CCDC50: variants seen among roughly 807,000 people sequenced by gnomAD.
The protein encoded by CCDC50 is coiled-coil domain containing 50.
CCDC50 carries 54 observed loss-of-function variants against 70.2 expected under a neutral mutation model. The observed-to-expected ratio is 0.77, with a 90% CI of 0.62 to 0.96. The LOEUF is 0.96. Ranked by LOEUF, CCDC50 falls within the 50% of genes least tolerant of loss-of-function variation. The pLI is 0.00. For missense variants in CCDC50, 558 were observed against 578.7 expected, an observed-to-expected ratio of 0.96 and a Z score of 0.37; for synonymous variants, 216 against 198.8, an observed-to-expected ratio of 1.09 and a Z score of -0.73.
intron 1 of CCDC50, chr3:191,330,316 C>G (rs550951954): frequency 3.5e-4 from 54 of 153,786 alleles, no homozygotes; most frequent in Non-Finnish European, 6.6e-4. Flanking sequence ...CACACACACA[C>G]ACACACACAC....
intron 10 of CCDC50, among the ~76,000 whole-genome samples, chr3:191,386,675 A>G (rs565445494): frequency 5.9e-5 from 9 of 152,320 alleles, no homozygotes; most frequent in Admixed American, 5.9e-4. Context: ...TAGCATTTCT[A>G]TATTCCAGTA....
chr3:191,339,908 T>C (rs1711663094), intron 1 of CCDC50, among the ~76,000 whole-genome samples: 1 of 152,200 alleles, frequency 6.6e-6, no homozygotes, highest in African/African-American at 2.4e-5. Flanking sequence ...TATAAGCAGA[T>C]TGTTGTTATC....
chr3:191,365,512 A>G (rs1196514147), intron 4 of CCDC50, among the ~76,000 whole-genome samples: 1 of 152,122 alleles, frequency 6.6e-6, no homozygotes, highest in African/African-American at 2.4e-5. Context: ...CTCTTCTTAC[A>G]CTATTATACT....
intron 1 of CCDC50, among the ~76,000 whole-genome samples, chr3:191,353,340 C>T (rs1027287696): frequency 1.4e-5 from 2 of 141,120 alleles, no homozygotes; most frequent in South Asian, 2.2e-4. Context: ...AGTTGGCTTA[C>T]GGCAAGAAGG....
chr3:191,382,372 G>A (rs73888573), intron 9 of CCDC50, among the ~76,000 whole-genome samples: 200 of 152,244 alleles, frequency 1.3e-3, no homozygotes, highest in African/African-American at 4.7e-3. Context: ...GACTCTGGGC[G>A]TGCACTGGTT....
At chr3:191,333,326 GTTAAA>G (rs749797111) in intron 1 of CCDC50, among the ~76,000 whole-genome samples, 12 of 152,310 alleles carry the variant, frequency 7.9e-5, no homozygotes, top group East Asian at 3.9e-4. Context: ...GGCATAATGT[GTTAAA>G]TTAAGTTAAT....
intron 4 of CCDC50, among the ~76,000 whole-genome samples, chr3:191,361,581 G>A (rs1455153761): frequency 6.6e-6 from 1 of 152,124 alleles, no homozygotes; most frequent in Non-Finnish European, 1.5e-5. Flanking sequence ...GCTTGTATCT[G>A]CATCACTTCA....
intron 4 of CCDC50, among the ~76,000 whole-genome samples, chr3:191,369,118 T>C (rs1020517614): frequency 3.0e-5 from 4 of 135,496 alleles, no homozygotes; most frequent in African/African-American, 1.1e-4. Flanking sequence ...TTCATAACTC[T>C]GCTGATGTTT....
intron 1 of CCDC50, among the ~76,000 whole-genome samples, chr3:191,348,392 G>A (rs1711996509): frequency 7.0e-6 from 1 of 142,546 alleles, no homozygotes; most frequent in Admixed American, 7.2e-5. Context: ...TCTCTAAACA[G>A]ATGAAATATT....
intron 1 of CCDC50, among the ~76,000 whole-genome samples, chr3:191,353,559 C>T (rs1712174190): frequency 7.1e-6 from 1 of 141,204 alleles, no homozygotes; most frequent in African/African-American, 2.5e-5. Flanking sequence ...ATGCTCTGAG[C>T]GTGGCCTGGC....
rs1246773796 is a variant in CCDC50 at position 191,329,667 on chromosome 3, G to A, written c.-8G>A. The A allele has an allele frequency of 6.2e-6, 10 of 1,608,194 alleles. No individual in the cohort carries two copies. Among genetic ancestry groups the A allele is most frequent in the Non-Finnish European group, 7.6e-6 (9 of 1,177,968 alleles). On this transcript the variant is annotated 5_prime_UTR_variant, in exon 1 of 12. Transcript: ENST00000392455. Reference sequence around the variant, plus strand: ...GCGTTAAAGGGGCAACCGGGACCCTGGCCCGGTATGGCTGAAGTCAGCATC... The same window carrying A: ...GCGTTAAAGGGGCAACCGGGACCCTAGCCCGGTATGGCTGAAGTCAGCATC...
intron 10 of CCDC50, among the ~76,000 whole-genome samples, chr3:191,388,121 C>T (rs1186196677): frequency 2.1e-5 from 3 of 146,152 alleles, no homozygotes; most frequent in Non-Finnish European, 4.6e-5. Flanking sequence ...ATGCATTATT[C>T]ACTATGTTTC....
In CCDC50 at chr3:191,375,298, A is replaced by G. The variant is rs1281378440; in HGVS notation, c.685A>G (p.Thr229Ala). Residue 229 changes from threonine (T) to alanine (A), a missense_variant, in exon 6 of 12, where the codon ACT becomes GCT. By Grantham distance (58) the Thr-to-Ala change is moderately conservative (BLOSUM62 0). Coordinates refer to ENST00000392455, the MANE Select transcript of CCDC50 (RefSeq NM_178335.3). ...TGAGCAGCATGAAAGGAAACGGTCC[A>G]CTCAGGAGAGGCCTCGGAGACCTCT... ...NNEQHERKRSTQERPRRPLLP... is the reference protein window; with the variant it reads ...NNEQHERKRSAQERPRRPLLP... 5 of 1,613,756 alleles carry G rather than the reference A, an allele frequency of 3.1e-6. No individual in the cohort carries two copies. The highest frequency in any genetic ancestry group is 4.2e-6 in the Non-Finnish European group (5 of 1,179,828).
At chr3:191,338,835 G>A (rs1366851983) in intron 1 of CCDC50, among the ~76,000 whole-genome samples, 1 of 152,208 alleles carries the variant, frequency 6.6e-6, no homozygotes, top group Admixed American at 6.5e-5. Context: ...GGAGGCAACA[G>A]TCTTACTTGT....
At position 191,361,238 on chromosome 3, in the gene CCDC50, G is replaced by A. The variant is rs893872294; in HGVS notation, c.330+79G>A. 7.1e-6 allele frequency: 7 copies of A among 988,092 alleles called. No homozygotes were observed. The African/African-American group carries it at 8.0e-5, about 11-fold the overall frequency. The allele number at this position is 988,092 out of a possible 1,614,324, so 61.2% of individuals were successfully genotyped here. ...AGAGCAAAAACTTTCTGTAGGTCAC[G>A]GGCTCAATGAAGGGTTTCTGAATGG... On this transcript the variant is annotated intron_variant, in intron 4 of 11. Transcript: ENST00000392455.
intron 1 of CCDC50, among the ~76,000 whole-genome samples, chr3:191,338,172 A>G (rs1339729822): frequency 6.6e-6 from 1 of 152,240 alleles, no homozygotes; most frequent in East Asian, 1.9e-4. Flanking sequence ...CCCATCAGCA[A>G]CAAATTCTGT....
chr3:191,392,008 TATA>T lies in CCDC50; in HGVS notation c.*249_*251del. 2.0e-6 allele frequency: 1 copy of T among 507,078 alleles called. No individual in the cohort carries two copies. The highest frequency in any genetic ancestry group is 2.4e-5 in the South Asian group (1 of 42,548). The allele number at this position is 507,078 out of a possible 1,614,324, so 31.4% of individuals were successfully genotyped here. A position where few individuals can be genotyped will look rare whatever the true frequency, so the allele number is the denominator to read the frequency against. ...TCTATGCTGCATATACTTCTTGGGA[TATA>T]GTATCTAAGACCTTTGTAAACTGCC... On this transcript the variant is annotated 3_prime_UTR_variant, in exon 12 of 12. Coordinates refer to ENST00000392455, the MANE Select transcript of CCDC50 (RefSeq NM_178335.3).
rs138691106 is a variant in CCDC50 at position 191,361,967 on chromosome 3, C to A, written c.330+808C>A. On this transcript the variant is annotated intron_variant, in intron 4 of 11. Coordinates refer to ENST00000392455, the MANE Select transcript of CCDC50 (RefSeq NM_178335.3). The stretch of plus-strand genomic sequence containing the variant: ...CTTAAAGGTTTCCCTTTCCTCTGAT[C>A]TGTTGGTTAAAAAAAACTAATCAGT... 7.8e-3 allele frequency among the ~76,000 whole-genome samples: 1,182 copies of A among 152,106 alleles called. 10 individuals are homozygous for A. The highest frequency in any genetic ancestry group is 0.034 in the Middle Eastern group (10 of 294).
chr3:191,370,348 A>C, intron 5 of CCDC50: 1 of 332,648 alleles, frequency 3.0e-6, no homozygotes, highest in Middle Eastern at 1.1e-3. Context: ...ATATCGCCTA[A>C]TGCTATCCCT....
Sources: allele counts gnomAD v4.1 joint callset (sites outside exome capture counted in the v4.1 genomes callset), GRCh38; gene constraint gnomAD v4.1.1; transcripts MANE v1.5; gene names NCBI Gene and HGNC (gene_info 2026-07-23, HGNC 2026-07-21).